The following MCM6 variants were observed in gnomAD, a reference collection of about 807,000 sequenced individuals.
MCM6 encodes DNA replication licensing factor MCM6.
Under a neutral mutation model 94.3 loss-of-function variants are expected in MCM6, and 46 were observed. That is an observed-to-expected ratio of 0.49 (90% CI 0.39 to 0.62). The LOEUF is 0.62. Among genes scored for constraint, MCM6 ranks in the 20% least tolerant of loss-of-function variants. MCM6 has a pLI of 0.00. For missense variants in MCM6, 865 were observed against 1,017.9 expected (o/e 0.85, Z 2.04); for synonymous variants, 335 against 351.9 (o/e 0.95, Z 0.54).
At chr2:135,862,783 T>C in intron 7 of MCM6, 35 bp from the exon 8 acceptor site, 1 of 1,607,384 alleles carries the variant, frequency 6.2e-7, no homozygotes, top group Non-Finnish European at 8.5e-7. Context: ...GAAAAACTAA[T>C]TTTTCAACAT....
At chr2:135,850,666 C>G (rs1575359760) in intron 13 of MCM6, among the ~76,000 whole-genome samples, 1 of 152,182 alleles carries the variant, frequency 6.6e-6, no homozygotes, top group Non-Finnish European at 1.5e-5. Context: ...ACAGTGGTTA[C>G]TTCAGGGGAA....
intron 1 of MCM6, among the ~76,000 whole-genome samples, chr2:135,873,777 T>C (rs945355518): frequency 3.9e-5 from 6 of 152,208 alleles, no homozygotes; most frequent in Non-Finnish European, 7.3e-5. Context: ...ACAAGAAAGA[T>C]GTTCCTGTTA....
At chr2:135,864,470 A>AACAC (rs1180567363) in intron 7 of MCM6, among the ~76,000 whole-genome samples, 1 of 152,048 alleles carries the variant, frequency 6.6e-6, no homozygotes, top group Non-Finnish European at 1.5e-5. Flanking sequence ...GTCTCTCTAA[A>AACAC]ACACATACAC....
rs187407675 is a variant in MCM6 at position 135,863,099 on chromosome 2, C to T, written c.1079-351G>A. On this transcript the variant is annotated intron_variant, in intron 7 of 16. Coordinates refer to ENST00000264156, the MANE Select transcript of MCM6 (RefSeq NM_005915.6). ...ATAAATGAACTATGTCCACCAAGGC[C>T]TACCACATTTGCTAGTCCTTTTTAA... Among the ~76,000 whole-genome samples, 22 of 152,348 alleles carry T rather than the reference C, an allele frequency of 1.4e-4. No individual in the cohort carries two copies. In the East Asian group the frequency reaches 4.2e-3, roughly 29 times the overall value.
intron 13 of MCM6, among the ~76,000 whole-genome samples, chr2:135,850,416 A>G (rs1470447727): frequency 7.0e-6 from 1 of 142,836 alleles, no homozygotes; most frequent in African/African-American, 2.6e-5. Context: ...TATTTTTTAC[A>G]TGCTTAATTA....
chr2:135,854,874 G>A (rs1209315951), intron 11 of MCM6, among the ~76,000 whole-genome samples: 5 of 151,988 alleles, frequency 3.3e-5, no homozygotes, highest in African/African-American at 1.2e-4. Flanking sequence ...AACAAAACAA[G>A]CCGGGCGCGG....
In MCM6 at chr2:135,857,902, C is replaced by G. The variant is rs1235596684; in HGVS notation, c.1465G>C (p.Val489Leu). The G allele has an allele frequency of 6.2e-7, 1 of 1,613,202 alleles. No homozygotes were observed. Among genetic ancestry groups the G allele is most frequent in the East Asian group, 2.2e-5 (1 of 44,890 alleles). ...QQTISITKAG[V>L]KATLNARTSI... ...CAGAAGTAGATAACACATACCTTCA[C>G]TCCTGCTTTAGTGATGGATATGGTC... The change falls in exon 10 of 17, where the codon GTG (valine) becomes CTG (leucine). Residue 489 changes from valine to leucine, a missense_variant. Val to Leu is a conservative substitution (Grantham distance 32, BLOSUM62 1). This residue lies in a region of MCM6 where 153 missense variants were observed against 241.5 expected (regional missense o/e 0.63). Transcript: ENST00000264156.
At chr2:135,848,466 T>C (rs1558755023) in intron 13 of MCM6, among the ~76,000 whole-genome samples, 1 of 152,136 alleles carries the variant, frequency 6.6e-6, no homozygotes, top group Non-Finnish European at 1.5e-5. Flanking sequence ...AAAACAGAAA[T>C]TGACACAACT....
rs2070068 is a variant in MCM6, at chr2:135,866,585, G to A, written c.759C>T (p.Asp253=). 27,123 of 1,613,098 alleles carry A rather than the reference G, an allele frequency of 0.017. 2,189 individuals are homozygous for A. The African/African-American group carries it at 0.2, about 12-fold the overall frequency. ...DFTGTLIVVP[D]VSKLSTPGAR... is the part of the protein sequence containing the mutation. ...GACCTGGTGTGCTAAGCTTGGAGAC[G>A]TCAGGCACAACAATCAGTGTCCCTG... Residue 253 remains aspartate, a synonymous_variant, in exon 5 of 17, where the codon GAC becomes GAT. Transcript: ENST00000264156.
intron 15 of MCM6, 49 bp from the exon 16 acceptor site, chr2:135,844,733 G>A (rs2105571753): frequency 1.4e-6 from 2 of 1,475,636 alleles, no homozygotes; most frequent in East Asian, 4.9e-5. Flanking sequence ...CGTACTGTCA[G>A]TCCTTGGGTA....
rs773430099 is a variant in MCM6, at chr2:135,872,690, C to A, written c.254+7G>T. 3 of 1,613,722 alleles carry A rather than the reference C, an allele frequency of 1.9e-6. No individual in the cohort carries two copies. The highest frequency in any genetic ancestry group is 2.5e-6 in the Non-Finnish European group (3 of 1,179,810). On this transcript the variant is annotated splice_region_variant and intron_variant, in intron 2 of 16. Transcript: ENST00000264156. ...ATTCAAAGTAAAGAAGATTAATATG[C>A]CCATACCTATAGAACTCCTCTTGAA...
chr2:135,843,697 T>G (rs1575356740), intron 16 of MCM6, among the ~76,000 whole-genome samples: 1 of 135,022 alleles, frequency 7.4e-6, no homozygotes, highest in African/African-American at 2.9e-5. Flanking sequence ...GCCACTGCAC[T>G]CCAGCATGGG....
At chr2:135,850,081 C>A (rs1431092186) in intron 13 of MCM6, among the ~76,000 whole-genome samples, 2 of 152,064 alleles carry the variant, frequency 1.3e-5, no homozygotes, top group African/African-American at 4.8e-5. Flanking sequence ...TTATGCAACT[C>A]ATTTCAGGAA....
At position 135,870,242 on chromosome 2, in the gene MCM6, G is replaced by A; in HGVS notation, c.365+9C>T. ...TGAATTCCTTTTTTTCCAGAGAAGG[G>A]TTTCTTACTTGTGTCTGGTAGGCAG... On this transcript the variant is annotated intron_variant, in intron 3 of 16. Coordinates refer to ENST00000264156, the MANE Select transcript of MCM6 (RefSeq NM_005915.6). The A allele has an allele frequency of 6.3e-7, 1 of 1,596,638 alleles. No homozygotes were observed. The highest frequency in any genetic ancestry group is 2.2e-5 in the East Asian group (1 of 44,794).
Position 135,846,379 on chromosome 2 carries a change from G to C in MCM6, c.2067C>G (p.Ser689Arg), listed in dbSNP as rs750892370. ...CATTGATCCCGTTCACAGGAGCAGGGCTGTCAGCATGACCTAAGTGAAAAA... is the reference window on the plus strand; with the variant it reads ...CATTGATCCCGTTCACAGGAGCAGGCCTGTCAGCATGACCTAAGTGAAAAA... Reference protein sequence around the residue: ...GAGGINGHADSPAPVNGINGY... With the variant: ...GAGGINGHADRPAPVNGINGY... The change falls in exon 15 of 17, where the codon AGC becomes AGG. Residue 689 changes from serine (S) to arginine (R), a missense_variant. By Grantham distance (110) the Ser-to-Arg change is moderately radical. Transcript: ENST00000264156. The C allele has an allele frequency of 2.1e-5, 34 of 1,613,940 alleles. No individual in the cohort carries two copies. The highest frequency in any genetic ancestry group is 2.0e-5 in the Non-Finnish European group (24 of 1,179,956).
intron 6 of MCM6, 106 bp from the exon 7 acceptor site, chr2:135,865,269 T>A: frequency 9.4e-6 from 7 of 746,840 alleles, no homozygotes; most frequent in Non-Finnish European, 9.6e-6. Context: ...GAAGTCAACC[T>A]CACAATTTAT....
intron 8 of MCM6, 143 bp from the exon 9 acceptor site, chr2:135,859,585 G>T: frequency 1.8e-6 from 1 of 541,720 alleles, no homozygotes; most frequent in Non-Finnish European, 3.2e-6. Context: ...CAGACTAAAT[G>T]GGAAGGTTTC....
chr2:135,852,782 G>C lies in MCM6; in HGVS notation c.1755+5C>G. 6.4e-7 allele frequency: 1 copy of C among 1,569,682 alleles called. No individual in the cohort carries two copies. ...ACCTTATCCCAGTACAAAAGGGTAG[G>C]TTACCTTGGGTTTAAACTGTCTTGC... On this transcript the variant is annotated splice_donor_5th_base_variant and intron_variant, in intron 12 of 16. Coordinates refer to ENST00000264156, the MANE Select transcript of MCM6 (RefSeq NM_005915.6).
At position 135,844,568 on chromosome 2, in the gene MCM6, C is replaced by G. The variant is rs774457801; in HGVS notation, c.2326G>C (p.Val776Leu). The change falls in exon 16 of 17, where the codon GTT becomes CTT. Residue 776 changes from valine (V) to leucine (L), a missense_variant. By Grantham distance (32) the Val-to-Leu change is conservative. Transcript: ENST00000264156. ...LINKKRIIEK[V>L]IHRLTHYDHV... ...ACATAGTGTGTGAGTCGATGAATAA[C>G]TTTCTCTATGATTCTTTTTTTATTT... 1.3e-6 allele frequency: 2 copies of G among 1,574,388 alleles called. No individual in the cohort carries two copies. The highest frequency in any genetic ancestry group is 2.7e-5 in the African/African-American group (2 of 73,198).
Sources: allele counts gnomAD v4.1 joint callset (sites outside exome capture counted in the v4.1 genomes callset), GRCh38; gene constraint gnomAD v4.1.1; regional missense constraint gnomAD v4.1.1; transcripts MANE v1.5; gene names NCBI Gene and HGNC (gene_info 2026-07-23, HGNC 2026-07-21).